Variants in USP33 observed in about 807,000 individuals in gnomAD.
The protein encoded by USP33 is ubiquitin carboxyl-terminal hydrolase 33.
Under a neutral mutation model 124.2 loss-of-function variants are expected in USP33, and 46 were observed. The ratio of observed to expected loss-of-function variants is 0.37; its 90% CI spans 0.29 to 0.47. USP33 has a LOEUF of 0.47. USP33 is among the 20% of genes least tolerant of loss of function. The probability of loss-of-function intolerance (pLI) is 0.99; values close to 1 mark genes in which losing one functional copy is unlikely to be tolerated. For synonymous variants in USP33, 350 were observed against 352.3 expected, an observed-to-expected ratio of 0.99 and a Z score of 0.07; for missense variants, 851 against 1,070.6, an observed-to-expected ratio of 0.79 and a Z score of 2.86.
In USP33 at chr1:77,740,953, T is replaced by C. The variant is rs915078010; in HGVS notation, c.136-14A>G. Reference sequence around the variant, plus strand: ...TGAACATCTATTCTATAAATAATTATATAGGAAGAAAAATAAGGTACTTTA... The same window carrying C: ...TGAACATCTATTCTATAAATAATTACATAGGAAGAAAAATAAGGTACTTTA... On this transcript the variant is annotated splice_polypyrimidine_tract_variant and intron_variant, in intron 3 of 23. Coordinates refer to ENST00000370794, the MANE Select transcript of USP33 (RefSeq NM_201624.3). 3 of 1,497,732 alleles carry C rather than the reference T, an allele frequency of 2.0e-6. No individual in the cohort carries two copies. The highest frequency in any genetic ancestry group is 2.1e-4 in the Middle Eastern group (1 of 4,696). The allele number at this position is 1,497,732 out of a possible 1,614,324, so 92.8% of individuals were successfully genotyped here. A position where few individuals can be genotyped will look rare whatever the true frequency, so the allele number is the denominator to read the frequency against.
intron 10 of USP33, among the ~76,000 whole-genome samples, chr1:77,727,743 G>A (rs1677324661): frequency 6.6e-6 from 1 of 152,114 alleles, no homozygotes. Context: ...CACATTTTAA[G>A]CCAAGATAAG....
intron 19 of USP33, among the ~76,000 whole-genome samples, chr1:77,713,778 T>C (rs1290888381): frequency 6.6e-6 from 1 of 151,954 alleles, no homozygotes; most frequent in Non-Finnish European, 1.5e-5. Flanking sequence ...CCTCAAACTC[T>C]AGGGCTCAAG....
rs188792936 is a variant in USP33 at position 77,743,237 on chromosome 1, G to A, written c.-51-1489C>T. 9.7e-4 allele frequency among the ~76,000 whole-genome samples: 147 copies of A among 152,154 alleles called. 1 individual carries two copies. The highest frequency in any genetic ancestry group is 3.4e-3 in the Middle Eastern group (1 of 294). ...TGGGATTACAGGTGTGAGCCACTGC[G>A]CCTGGCCTCTGTCTGCCTTTTAAAC... On this transcript the variant is annotated intron_variant, in intron 1 of 23. Coordinates refer to ENST00000370794, the MANE Select transcript of USP33 (RefSeq NM_201624.3).
intron 10 of USP33, among the ~76,000 whole-genome samples, chr1:77,726,886 G>A (rs1381554651): frequency 1.3e-5 from 2 of 152,146 alleles, no homozygotes; most frequent in Admixed American, 1.3e-4. Context: ...TACCTTGATT[G>A]TTTGCTTTGG....
chr1:77,720,638 T>C lies in USP33; in HGVS notation c.1691+534A>G, dbSNP rs528197427. 30 of 984,562 alleles carry C rather than the reference T, an allele frequency of 3.0e-5. No individual in the cohort carries two copies. The South Asian group carries it at 4.7e-4, about 15-fold the overall frequency. 61.0% of individuals were successfully genotyped at this position (984,562 alleles called of 1,614,324 possible). A position where few individuals can be genotyped will look rare whatever the true frequency, so the allele number is the denominator to read the frequency against. Reference sequence around the variant, plus strand: ...CCAGTTCACTTTGCCTCACAAATAGTTGCTTTTCACCAAGTCTTCCAACAC... The same window carrying C: ...CCAGTTCACTTTGCCTCACAAATAGCTGCTTTTCACCAAGTCTTCCAACAC... On this transcript the variant is annotated intron_variant, in intron 15 of 23. Coordinates refer to ENST00000370794, the MANE Select transcript of USP33 (RefSeq NM_201624.3).
At chr1:77,735,301 A>G (rs1415032863) in intron 6 of USP33, among the ~76,000 whole-genome samples, 3 of 152,174 alleles carry the variant, frequency 2.0e-5, no homozygotes, top group Admixed American at 6.5e-5. Flanking sequence ...TTCATTATTA[A>G]AAGATGAAAT....
At chr1:77,753,416 ACCC>A (rs1464990807) in intron 1 of USP33, among the ~76,000 whole-genome samples, 1 of 150,918 alleles carries the variant, frequency 6.6e-6, no homozygotes, top group Non-Finnish European at 1.5e-5. Context: ...AGTGATACCC[ACCC>A]CCCATCTTTA....
At chr1:77,730,135 T>C (rs895420758) in intron 8 of USP33, among the ~76,000 whole-genome samples, 197 bp from the exon 9 acceptor site, 3 of 152,184 alleles carry the variant, frequency 2.0e-5, no homozygotes, top group African/African-American at 7.2e-5. Context: ...ATTTTACTGC[T>C]ATCCTCCCTC....
At chr1:77,751,144 A>C (rs1292289447) in intron 1 of USP33, among the ~76,000 whole-genome samples, 1 of 152,218 alleles carries the variant, frequency 6.6e-6, no homozygotes, top group African/African-American at 2.4e-5. Flanking sequence ...CAAAGAGTGC[A>C]CAAGATTTTA....
chr1:77,744,498 T>C (rs1679514312), intron 1 of USP33, among the ~76,000 whole-genome samples: 1 of 152,150 alleles, frequency 6.6e-6, no homozygotes, highest in Non-Finnish European at 1.5e-5. Context: ...AACTACACCA[T>C]GTACATCAAA....
chr1:77,706,728 G>A (rs1674673257), intron 21 of USP33, among the ~76,000 whole-genome samples: 1 of 152,132 alleles, frequency 6.6e-6, no homozygotes, highest in Admixed American at 6.5e-5. Flanking sequence ...TTGTGGGTTT[G>A]GTACTATCTT....
chr1:77,739,046 C>T (rs760908841), intron 5 of USP33, among the ~76,000 whole-genome samples: 2 of 152,028 alleles, frequency 1.3e-5, no homozygotes, highest in African/African-American at 4.8e-5. Flanking sequence ...CCTTTTCCAT[C>T]TTCAAACAGG....
chr1:77,705,084 C>A (rs1348710373), intron 21 of USP33, among the ~76,000 whole-genome samples: 1 of 140,628 alleles, frequency 7.1e-6, no homozygotes, highest in East Asian at 2.1e-4. Flanking sequence ...TTTTATATTC[C>A]AGTGTTATTT....
At chr1:77,711,528 T>TACAC (rs66475824) in intron 21 of USP33, 43 of 352,066 alleles carry the variant, frequency 1.2e-4, no homozygotes, top group African/African-American at 2.9e-4. Context: ...TTTTGTCTCA[T>TACAC]ACACACACAC....
At chr1:77,741,519 T>C in intron 2 of USP33, 90 bp from the exon 3 acceptor site, 1 of 1,541,526 alleles carries the variant, frequency 6.5e-7, no homozygotes, top group East Asian at 2.3e-5. Flanking sequence ...TACATATTTT[T>C]AAAATACTGC....
At chr1:77,715,497 G>GC (rs1675779652) in intron 18 of USP33, among the ~76,000 whole-genome samples, 1 of 152,222 alleles carries the variant, frequency 6.6e-6, no homozygotes, top group African/African-American at 2.4e-5. Flanking sequence ...GAGCCACTGT[G>GC]CCCGGCACTA....
chr1:77,740,350 T>G (rs1043157308), intron 4 of USP33, among the ~76,000 whole-genome samples: 1 of 151,762 alleles, frequency 6.6e-6, no homozygotes, highest in East Asian at 1.9e-4. Flanking sequence ...TATCTGGATA[T>G]ACACTTTTTT....
chr1:77,730,565 A>G (rs935791493), intron 8 of USP33, 53 bp downstream of exon 8: 1 of 1,296,408 alleles, frequency 7.7e-7, no homozygotes, highest in Admixed American at 2.5e-5. Context: ...TTAAATATTT[A>G]TAATATTCAT....
intron 17 of USP33, among the ~76,000 whole-genome samples, chr1:77,716,478 T>C (rs1328593843): frequency 6.6e-6 from 1 of 152,208 alleles, no homozygotes; most frequent in Non-Finnish European, 1.5e-5. Flanking sequence ...AGAACAGTGC[T>C]GTAAACAGTT....
Sources: gnomAD v4.1 joint callset for allele counts (sites outside exome capture counted in the v4.1 genomes callset) on GRCh38, gnomAD v4.1.1 for gene constraint, MANE v1.5 for transcripts, NCBI Gene and HGNC (gene_info 2026-07-23, HGNC 2026-07-21) for gene names.